Variants in NOC2L observed in about 807,000 individuals in gnomAD.
NOC2L encodes NOC2 like nucleolar associated transcriptional repressor.
NOC2L carries 101 observed loss-of-function variants against 94.2 expected under a neutral mutation model. The observed-to-expected ratio is 1.07, with a 90% CI of 0.91 to 1.26. The LOEUF (loss-of-function observed/expected upper bound fraction) is 1.26. NOC2L is among the 50% of genes most tolerant of loss of function. The pLI is 0.00. For missense variants in NOC2L, 1,076 were observed against 980.1 expected (o/e 1.10, Z -1.31); for synonymous variants, 531 against 413.4 (o/e 1.28, Z -3.45).
chr1:959,168 C>T (rs894328348), intron 1 of NOC2L, 47 bp downstream of exon 1: 2 of 1,611,786 alleles, frequency 1.2e-6, no homozygotes, highest in African/African-American at 1.3e-5. Context: ...CCCTTGGATA[C>T]AGACACCCAC....
At chr1:956,357 CTGA>C in intron 4 of NOC2L, 142 bp from the exon 5 acceptor site, 4 of 884,266 alleles carry the variant, frequency 4.5e-6, no homozygotes, top group Non-Finnish European at 6.8e-6. Context: ...GAGCCCCATA[CTGA>C]TAACAAAAAT....
intron 12 of NOC2L, 149 bp from the exon 13 acceptor site, chr1:948,752 C>T (rs1027097512): frequency 4.9e-4 from 14 of 28,404 alleles, no homozygotes; most frequent in Non-Finnish European, 1.3e-3. Context: ...CACGAGGAGA[C>T]CCAACCCGAA....
intron 17 of NOC2L, 174 bp downstream of exon 17, chr1:945,344 T>G (rs1642074355): frequency 1.0e-6 from 1 of 975,842 alleles, no homozygotes; most frequent in Non-Finnish European, 1.5e-6. Context: ...GGCCTTCACT[T>G]CAAGGAGGGA....
intron 6 of NOC2L, among the ~76,000 whole-genome samples, chr1:955,486 G>T (rs371066678): frequency 2.6e-5 from 4 of 152,214 alleles, no homozygotes; most frequent in Non-Finnish European, 5.9e-5. Context: ...CTCTAAAGGG[G>T]AAGTTGAGGC....
In NOC2L at chr1:958,937, G is replaced by C. The variant is rs761307876; in HGVS notation, c.171C>G (p.Pro57=). The C allele has an allele frequency of 6.2e-7, 1 of 1,612,780 alleles. No homozygotes were observed. The highest frequency in any genetic ancestry group is 1.7e-5 in the Admixed American group (1 of 60,024). ...CGCATGTCCCCACTAACCTGGCCGA[G>C]GGGCTCCCGCCCGGCTTATCCGGAC... ...ARSPDKPGGS[P]SASRRKGRAS... Residue 57 remains proline (P), a synonymous_variant, in exon 2 of 19, where the codon CCC becomes CCG. Coordinates refer to ENST00000327044, the MANE Select transcript of NOC2L (RefSeq NM_015658.4).
chr1:945,035 C>T (rs1261415557), intron 18 of NOC2L, 22 bp downstream of exon 18: 13 of 1,614,106 alleles, frequency 8.1e-6, no homozygotes, highest in African/African-American at 1.3e-5. Flanking sequence ...GGGCCACACC[C>T]TCTCACCCCA....
Position 944,814 on chromosome 1 carries a change from T to TGGA in NOC2L, c.2144-17_2144-15dup. The TGGA allele has an allele frequency of 6.5e-7, 1 of 1,529,122 alleles. No individual in the cohort carries two copies. Among genetic ancestry groups the TGGA allele is most frequent in the African/African-American group, 1.4e-5 (1 of 72,478 alleles). The allele number at this position is 1,529,122 out of a possible 1,614,324, so 94.7% of individuals were successfully genotyped here. A position where few individuals can be genotyped will look rare whatever the true frequency, so the allele number is the denominator to read the frequency against. On this transcript the variant is annotated splice_polypyrimidine_tract_variant and intron_variant, in intron 18 of 18. Coordinates refer to ENST00000327044, the MANE Select transcript of NOC2L (RefSeq NM_015658.4). Reference sequence around the variant, plus strand: ...CTGGGTCTCCATCTGCGGGGAGAGATGGAGGCTACATAAATTTTGCTTTAT... The same window carrying TGGA: ...CTGGGTCTCCATCTGCGGGGAGAGATGGAGGAGGCTACATAAATTTTGCTTTAT...
intron 12 of NOC2L, among the ~76,000 whole-genome samples, chr1:949,758 G>A (rs991422318): frequency 6.6e-6 from 1 of 152,202 alleles, no homozygotes; most frequent in Non-Finnish European, 1.5e-5. Context: ...TGGGCAATCA[G>A]AGACCACTGC....
chr1:946,732 T>C, intron 14 of NOC2L, 187 bp from the exon 15 acceptor site: 1 of 653,050 alleles, frequency 1.5e-6, no homozygotes, highest in Non-Finnish European at 2.6e-6. Flanking sequence ...GCCCACCCTC[T>C]GGGCCAACCC....
chr1:952,311 A>G, intron 10 of NOC2L, 101 bp downstream of exon 10: 3 of 1,480,350 alleles, frequency 2.0e-6, no homozygotes, highest in Non-Finnish European at 2.8e-6. Flanking sequence ...GGCTGTCTCC[A>G]GACAGGGGCT....
chr1:951,132 G>A lies in NOC2L; in HGVS notation c.1438C>T (p.Leu480=). The change falls in exon 12 of 19, where the codon CTG becomes TTG. Residue 480 remains leucine (L), a synonymous_variant. Coordinates refer to ENST00000327044, the MANE Select transcript of NOC2L (RefSeq NM_015658.4). The stretch of plus-strand genomic sequence containing the variant: ...CCCACCACAGCCTCACTCACCTCCA[G>A]GATGAAAGGCAGCACCGGGATGAAG... The part of the protein sequence containing the change: ...GAFIPVLPFI[L]EMFQQVDFNR... The A allele has an allele frequency of 1.3e-6, 2 of 1,578,226 alleles. No individual in the cohort carries two copies. Among genetic ancestry groups the A allele is most frequent in the Non-Finnish European group, 1.7e-6 (2 of 1,161,686 alleles).
Position 953,298 on chromosome 1 carries a change from G to A in NOC2L, c.889-10C>T, listed in dbSNP as rs566319112. 11 of 1,501,742 alleles carry A rather than the reference G, an allele frequency of 7.3e-6. No homozygotes were observed. Among genetic ancestry groups the A allele is most frequent in the South Asian group, 5.6e-5 (5 of 88,808 alleles). The allele number at this position is 1,501,742 out of a possible 1,614,324, so 93.0% of individuals were successfully genotyped here. On this transcript the variant is annotated splice_polypyrimidine_tract_variant and intron_variant, in intron 8 of 18. Transcript: ENST00000327044. ...ATACGATCACCATTCTCTGCAGAAG[G>A]TCAGACGTCACTGGTGGCCCCCCAG...
chr1:952,252 C>T, intron 10 of NOC2L, 113 bp from the exon 11 acceptor site: 2 of 1,416,634 alleles, frequency 1.4e-6, no homozygotes, highest in South Asian at 1.3e-5. Context: ...GGGGTCTCAA[C>T]CCATCCACCC....
intron 17 of NOC2L, 22 bp downstream of exon 17, chr1:945,496 G>A (rs1412255913): frequency 6.2e-6 from 10 of 1,612,494 alleles, no homozygotes; most frequent in African/African-American, 1.3e-5. Context: ...CCCTTCCCCT[G>A]GGAGCACCAC....
chr1:951,374 G>A, intron 11 of NOC2L, 136 bp from the exon 12 acceptor site: 1 of 675,804 alleles, frequency 1.5e-6, no homozygotes, highest in Admixed American at 2.4e-5. Flanking sequence ...TGAACCCCAG[G>A]GACCTGCACC....
intron 18 of NOC2L, 48 bp downstream of exon 18, chr1:945,009 G>T: frequency 6.2e-7 from 1 of 1,612,840 alleles, no homozygotes; most frequent in Non-Finnish European, 8.5e-7. Flanking sequence ...CTGCCCTCCC[G>T]CCAGATGGGC....
rs772311539 is a variant in NOC2L, at chr1:953,835, C to G, written c.835G>C (p.Val279Leu). ...AAGGTCAGGAAGCAGGGCACCAGCA[C>G]GCTGATGTGCCGCAGCACGGCCGCC... ...VLAAVLRHIS[V>L]LVPCFLTFPK... Residue 279 changes from valine to leucine, a missense_variant, in exon 8 of 19, where the codon GTG (valine) becomes CTG (leucine). Val to Leu is a conservative substitution (Grantham distance 32). This residue lies in a region of NOC2L where 457 missense variants were observed against 386.0 expected (regional missense o/e 1.18). Transcript: ENST00000327044. The G allele has an allele frequency of 5.0e-6, 8 of 1,612,984 alleles. No individual in the cohort carries two copies. The highest frequency in any genetic ancestry group is 6.8e-6 in the Non-Finnish European group (8 of 1,180,036).
rs376110025 is a variant in NOC2L, at chr1:949,630, G to A, written c.1444-1027C>T. On this transcript the variant is annotated intron_variant, in intron 12 of 18. Transcript: ENST00000327044. ...GTGCACAAGTGAAGAAACAGACACT[G>A]CAAGAGAGTAAGAAAGCACGTAGCC... 5.1e-4 allele frequency among the ~76,000 whole-genome samples: 78 copies of A among 152,332 alleles called. 1 individual carries two copies. Among genetic ancestry groups the A allele is most frequent in the Middle Eastern group, 3.4e-3 (1 of 294 alleles).
intron 6 of NOC2L, among the ~76,000 whole-genome samples, chr1:955,383 C>T (rs569650218): frequency 5.3e-5 from 8 of 152,332 alleles, no homozygotes; most frequent in East Asian, 1.9e-4. Context: ...CTGCACAGCC[C>T]CGGAACCCCA....
Sources: allele counts gnomAD v4.1 joint callset (sites outside exome capture counted in the v4.1 genomes callset), GRCh38; gene constraint gnomAD v4.1.1; regional missense constraint gnomAD v4.1.1; transcripts MANE v1.5; gene names NCBI Gene and HGNC (gene_info 2026-07-23, HGNC 2026-07-21).